The following FRK variants were observed in gnomAD, a reference collection of about 807,000 sequenced individuals.
FRK encodes the protein tyrosine-protein kinase FRK.
In FRK, 51 loss-of-function variants were observed where a neutral mutation model predicts 56.4. The observed-to-expected ratio is 0.90, with a 90% CI of 0.72 to 1.14. The LOEUF (loss-of-function observed/expected upper bound fraction) is 1.14, where lower values mean the gene tolerates loss of function less well. Ranked by LOEUF, FRK falls within the 50% of genes most tolerant of loss-of-function variation. The pLI, the probability that FRK is intolerant of heterozygous loss-of-function variation, is 0.00. For missense variants in FRK, 570 were observed against 601.4 expected, an observed-to-expected ratio of 0.95 and a Z score of 0.55; for synonymous variants, 245 against 217.9, an observed-to-expected ratio of 1.12 and a Z score of -1.10.
chr6:115,955,639 T>C (rs891211075), intron 5 of FRK, among the ~76,000 whole-genome samples: 2 of 152,210 alleles, frequency 1.3e-5, no homozygotes, highest in South Asian at 4.1e-4. Context: ...TAAGTCATCC[T>C]GAAATCAGAG....
At chr6:115,977,764 T>C (rs1265967698) in intron 2 of FRK, among the ~76,000 whole-genome samples, 2 of 152,136 alleles carry the variant, frequency 1.3e-5, no homozygotes, top group Non-Finnish European at 2.9e-5. Flanking sequence ...CAAATGCTGA[T>C]CACATTTTTG....
chr6:115,966,082 TA>T (rs1554226807), intron 4 of FRK, among the ~76,000 whole-genome samples: 173 of 16,854 alleles, frequency 0.01, 1 homozygote, highest in Non-Finnish European at 0.014. Context: ...AAGAAATACT[TA>T]AAAAAAAAAG....
Position 115,938,849 on chromosome 6 carries a change from A to G in FRK, c.*3565T>C, listed in dbSNP as rs1298710006. The G allele has an allele frequency of 6.6e-6, 1 of 152,196 alleles. No individual in the cohort carries two copies. The highest frequency in any genetic ancestry group is 1.5e-5 in the Non-Finnish European group (1 of 68,038). The allele number at this position is 152,196 out of a possible 1,614,324, so 9.4% of individuals were successfully genotyped here. ...TAATTAATAGCCTACCAACCAAAAA[A>G]AGTCCAGGACCAGATAGATTCACAG... On this transcript the variant is annotated 3_prime_UTR_variant, in exon 8 of 8. Transcript: ENST00000606080.
At chr6:116,043,171 G>T (rs773265477) in intron 1 of FRK, among the ~76,000 whole-genome samples, 6 of 152,072 alleles carry the variant, frequency 3.9e-5, no homozygotes, top group Admixed American at 6.6e-5. Context: ...ATATTAGACA[G>T]ACCAAAATGA....
Position 115,942,336 on chromosome 6 carries a change from G to C in FRK, c.*78C>G, listed in dbSNP as rs1424183671. The stretch of plus-strand genomic sequence containing the variant: ...GTCAGGATAAACTGATTGTGCAGTT[G>C]GTTGATAACATTGTATTTTGGAATG... On this transcript the variant is annotated 3_prime_UTR_variant, in exon 8 of 8. Transcript: ENST00000606080. 7 of 1,157,174 alleles carry C rather than the reference G, an allele frequency of 6.0e-6. No homozygotes were observed. Among genetic ancestry groups the C allele is most frequent in the Admixed American group, 3.6e-5 (2 of 55,906 alleles). 71.7% of individuals were successfully genotyped at this position (1,157,174 alleles called of 1,614,324 possible).
the FRK span, among the ~76,000 whole-genome samples, chr6:116,066,196 C>T: frequency 1.3e-5 from 2 of 152,054 alleles, no homozygotes; most frequent in African/African-American, 4.8e-5. Context: ...ATCACCTAAT[C>T]GGCTGCCAGC....
At chr6:116,086,436 A>G in the FRK span, among the ~76,000 whole-genome samples, 1 of 152,200 alleles carries the variant, frequency 6.6e-6, no homozygotes, top group Non-Finnish European at 1.5e-5. Context: ...GGGTAAGCTC[A>G]TTCTCAGTTT....
chr6:116,068,737 G>C, the FRK span, among the ~76,000 whole-genome samples: 1 of 151,678 alleles, frequency 6.6e-6, no homozygotes, highest in Non-Finnish European at 1.5e-5. Flanking sequence ...TTCTATATTT[G>C]AAAATCCATG....
intron 2 of FRK, among the ~76,000 whole-genome samples, chr6:115,973,936 T>C (rs1263988699): frequency 1.3e-5 from 2 of 150,974 alleles, no homozygotes; most frequent in Non-Finnish European, 2.9e-5. Context: ...TTAGTCCCAA[T>C]TCATTTCTCC....
chr6:116,096,702 A>G, the FRK span, among the ~76,000 whole-genome samples: 1 of 152,264 alleles, frequency 6.6e-6, no homozygotes, highest in Non-Finnish European at 1.5e-5. Flanking sequence ...AAATGGACCA[A>G]TCAGCAGGAC....
At chr6:116,029,157 C>T (rs983846642) in intron 1 of FRK, among the ~76,000 whole-genome samples, 10 of 152,140 alleles carry the variant, frequency 6.6e-5, no homozygotes, top group African/African-American at 1.2e-4. Context: ...TCTGTGAGAT[C>T]TTCCCTAACT....
intron 1 of FRK, among the ~76,000 whole-genome samples, chr6:116,053,993 T>C (rs935405942): frequency 5.9e-5 from 9 of 152,146 alleles, no homozygotes; most frequent in African/African-American, 9.6e-5. Context: ...TTGGTTGCTC[T>C]TTTCTTCACA....
chr6:115,982,647 A>G (rs1307656620), intron 2 of FRK, among the ~76,000 whole-genome samples: 6 of 152,240 alleles, frequency 3.9e-5, no homozygotes, highest in South Asian at 2.1e-4. Flanking sequence ...AACCAGGTGA[A>G]CAACTGTGAA....
upstream of FRK, among the ~76,000 whole-genome samples, chr6:116,062,471 AAAAAG>A (rs1330385000): frequency 6.6e-5 from 10 of 152,024 alleles, no homozygotes; most frequent in Non-Finnish European, 1.5e-4. Flanking sequence ...TGAAAAAAAA[AAAAAG>A]AAAAGAAAAG....
chr6:116,020,506 G>T (rs571818528), intron 1 of FRK, among the ~76,000 whole-genome samples: 3 of 152,190 alleles, frequency 2.0e-5, no homozygotes, highest in Admixed American at 1.3e-4. Flanking sequence ...GGCCAGGCTG[G>T]TTTGAACTCC....
At chr6:116,098,307 C>T in the FRK span, among the ~76,000 whole-genome samples, 14 of 151,910 alleles carry the variant, frequency 9.2e-5, no homozygotes, top group South Asian at 2.9e-3. Context: ...AGATGGGTCT[C>T]GCTATGTTGC....
intron 1 of FRK, among the ~76,000 whole-genome samples, chr6:116,028,582 T>C (rs1776186103): frequency 6.6e-6 from 1 of 152,156 alleles, no homozygotes; most frequent in African/African-American, 2.4e-5. Flanking sequence ...TTCTGGTGTT[T>C]TGTTGGCAGT....
At chr6:115,966,474 T>A (rs73770684) in intron 4 of FRK, among the ~76,000 whole-genome samples, 7,535 of 152,250 alleles carry the variant, frequency 0.049, 343 homozygotes, top group African/African-American at 0.11. Flanking sequence ...CTCTTGTGAA[T>A]TCACCATGGT....
intron 1 of FRK, among the ~76,000 whole-genome samples, chr6:116,056,200 GTT>G (rs540554217): frequency 1.5e-4 from 20 of 132,666 alleles, no homozygotes; most frequent in Non-Finnish European, 1.5e-4. Context: ...TGTTCATTTG[GTT>G]TTTTTTTTTT....
Sources: allele counts gnomAD v4.1 joint callset (sites outside exome capture counted in the v4.1 genomes callset), GRCh38; gene constraint gnomAD v4.1.1; transcripts MANE v1.5; gene names NCBI Gene and HGNC (gene_info 2026-07-23, HGNC 2026-07-21).